Variants in MECOM observed in about 807,000 individuals in gnomAD.
MECOM encodes MDS1 and EVI1 complex locus.
MECOM carries 13 observed loss-of-function variants against 116.3 expected under a neutral mutation model. The ratio of observed to expected loss-of-function variants is 0.11; its 90% CI spans 0.07 to 0.18. The LOEUF (loss-of-function observed/expected upper bound fraction) is 0.18, where lower values mean the gene tolerates loss of function less well. Among genes scored for constraint, MECOM ranks in the 10% least tolerant of loss-of-function variants. MECOM has a pLI of 1.00. For missense variants in MECOM, 1,299 were observed against 1,509.0 expected, an observed-to-expected ratio of 0.86 and a Z score of 2.31; for synonymous variants, 528 against 535.2, an observed-to-expected ratio of 0.99 and a Z score of 0.19.
At chr3:169,106,177 T>C (rs1389568267) in intron 10 of MECOM, among the ~76,000 whole-genome samples, 4 of 152,184 alleles carry the variant, frequency 2.6e-5, no homozygotes, top group Non-Finnish European at 5.9e-5. Flanking sequence ...ATTTATTCAC[T>C]TGATAATCTT....
At chr3:169,219,412 T>C (rs921030209) in intron 2 of MECOM, among the ~76,000 whole-genome samples, 8 of 151,896 alleles carry the variant, frequency 5.3e-5, no homozygotes, top group East Asian at 1.9e-4. Context: ...GAGGCTGAGG[T>C]AGGAGAATGG....
At chr3:169,492,929 C>T (rs1560350934) in intron 1 of MECOM, among the ~76,000 whole-genome samples, 3 of 152,178 alleles carry the variant, frequency 2.0e-5, no homozygotes, top group East Asian at 1.9e-4. Flanking sequence ...CACGGCACTC[C>T]AGCCTCGAAG....
intron 1 of MECOM, among the ~76,000 whole-genome samples, chr3:169,605,559 C>G (rs1768425288): frequency 6.6e-6 from 1 of 152,134 alleles, no homozygotes; most frequent in Admixed American, 6.5e-5. Context: ...CCGGTCTGTG[C>G]TAGACGACAA....
At chr3:169,219,771 A>G (rs1751888284) in intron 2 of MECOM, among the ~76,000 whole-genome samples, 1 of 149,848 alleles carries the variant, frequency 6.7e-6, no homozygotes, top group Non-Finnish European at 1.5e-5. Flanking sequence ...ATATAATGGT[A>G]TATATATATT....
chr3:169,633,297 T>A (rs1348390771), intron 1 of MECOM, among the ~76,000 whole-genome samples: 1 of 152,228 alleles, frequency 6.6e-6, no homozygotes, highest in Admixed American at 6.5e-5. Flanking sequence ...TTAGTTAACA[T>A]CCTCTAGTCA....
intron 1 of MECOM, among the ~76,000 whole-genome samples, chr3:169,654,813 A>AACACACACACACAC (rs10622808): frequency 1.3e-4 from 19 of 148,088 alleles, no homozygotes; most frequent in South Asian, 4.3e-4. Flanking sequence ...CACCTATCAA[A>AACACACACACACAC]ACACACACAC....
At position 169,283,409 on chromosome 3, in the gene MECOM, C is replaced by T. The variant is rs1712573709; in HGVS notation, c.375+97778G>A. On this transcript the variant is annotated intron_variant, in intron 2 of 16. Transcript: ENST00000651503. Reference sequence around the variant, plus strand: ...CAGCCCTGGTGACAGAACAAGACCCCATCTCAAAAAAAAAAGAGATAATTA... The same window carrying T: ...CAGCCCTGGTGACAGAACAAGACCCTATCTCAAAAAAAAAAGAGATAATTA... Among the ~76,000 whole-genome samples, 4 of 131,566 alleles carry T rather than the reference C, an allele frequency of 3.0e-5. No homozygotes were observed. In the South Asian group the frequency reaches 8.6e-4, roughly 28 times the overall value. 86.3% of individuals were successfully genotyped at this position (131,566 alleles called of 152,430 possible).
intron 2 of MECOM, among the ~76,000 whole-genome samples, chr3:169,264,943 C>G (rs1233611082): frequency 6.6e-6 from 1 of 151,948 alleles, no homozygotes; most frequent in Non-Finnish European, 1.5e-5. Flanking sequence ...GTGCTCAGGG[C>G]TAACTGTTGC....
intron 1 of MECOM, among the ~76,000 whole-genome samples, chr3:169,399,402 G>A (rs1735518015): frequency 6.6e-6 from 1 of 152,176 alleles, no homozygotes; most frequent in Non-Finnish European, 1.5e-5. Flanking sequence ...TAGAATTGTA[G>A]ACTACTGACC....
At chr3:169,258,885 T>A (rs950563161) in intron 2 of MECOM, among the ~76,000 whole-genome samples, 10 of 152,258 alleles carry the variant, frequency 6.6e-5, no homozygotes, top group Non-Finnish European at 5.9e-5. Flanking sequence ...TGTATTCACA[T>A]GTTTAATCTC....
intron 2 of MECOM, among the ~76,000 whole-genome samples, chr3:169,370,037 T>A (rs1287721011): frequency 6.6e-6 from 1 of 151,962 alleles, no homozygotes; most frequent in Non-Finnish European, 1.5e-5. Flanking sequence ...TGCTTTCTCA[T>A]AAATAAATTA....
intron 1 of MECOM, among the ~76,000 whole-genome samples, chr3:169,436,179 G>A (rs949389173): frequency 1.7e-4 from 25 of 149,068 alleles, no homozygotes; most frequent in African/African-American, 6.2e-4. Flanking sequence ...ATCACATTGT[G>A]CTTATGTTTT....
chr3:169,188,491 C>T (rs952266600), intron 2 of MECOM, among the ~76,000 whole-genome samples: 14 of 151,982 alleles, frequency 9.2e-5, no homozygotes, highest in South Asian at 6.2e-4. Flanking sequence ...CTGAGTAATC[C>T]GAGGGGTAAT....
intron 1 of MECOM, among the ~76,000 whole-genome samples, chr3:169,545,926 G>C (rs573098181): frequency 6.6e-6 from 1 of 151,770 alleles, no homozygotes; most frequent in Non-Finnish European, 1.5e-5. Context: ...GCCCTCAACA[G>C]GAATGATTTG....
intron 2 of MECOM, among the ~76,000 whole-genome samples, chr3:169,371,345 A>G (rs1730080074): frequency 6.6e-6 from 1 of 152,146 alleles, no homozygotes; most frequent in African/African-American, 2.4e-5. Context: ...GGTTGTTCCC[A>G]AGAACTAGGA....
intron 1 of MECOM, among the ~76,000 whole-genome samples, chr3:169,652,598 G>T (rs937014257): frequency 7.1e-4 from 108 of 152,174 alleles, no homozygotes; most frequent in African/African-American, 2.4e-3. Context: ...AATGACAGAT[G>T]GGGGTTAGAG....
chr3:169,604,881 G>A (rs1036353147), intron 1 of MECOM, among the ~76,000 whole-genome samples: 4 of 152,194 alleles, frequency 2.6e-5, no homozygotes, highest in African/African-American at 9.7e-5. Context: ...CAGTATTCTT[G>A]GGGGTATCTC....
chr3:169,107,061 T>C (rs1249273397), intron 10 of MECOM, among the ~76,000 whole-genome samples: 2 of 152,180 alleles, frequency 1.3e-5, no homozygotes, highest in Non-Finnish European at 2.9e-5. Flanking sequence ...GGAAATAGGT[T>C]AGTGCTAAAA....
chr3:169,144,997 C>A (rs868097479), intron 2 of MECOM: 1 of 1,561,962 alleles, frequency 6.4e-7, no homozygotes, highest in East Asian at 2.3e-5. Flanking sequence ...ATTAACTCAC[C>A]ATATACTTCA....
Sources: gnomAD v4.1 joint callset for allele counts (sites outside exome capture counted in the v4.1 genomes callset) on GRCh38, gnomAD v4.1.1 for gene constraint, MANE v1.5 for transcripts, NCBI Gene and HGNC (gene_info 2026-07-23, HGNC 2026-07-21) for gene names.